The following ADGRL3 variants were observed in gnomAD, a reference collection of about 807,000 sequenced individuals.
The protein encoded by ADGRL3 is adhesion G protein-coupled receptor L3, also known as calcium-independent alpha-latrotoxin receptor 3.
Under a neutral mutation model 153.5 loss-of-function variants are expected in ADGRL3, and 62 were observed. The observed-to-expected ratio is 0.40, with a 90% confidence interval of 0.33 to 0.50. The LOEUF is 0.50. ADGRL3 is among the 20% of genes least tolerant of loss of function. ADGRL3 has a pLI of 0.47. For synonymous variants in ADGRL3, 710 were observed against 672.5 expected (o/e 1.06, Z -0.86); for missense variants, 1,641 against 1,859.4 (o/e 0.88, Z 2.16).
At chr4:62,037,600 C>T (rs1725786216) in intron 23 of ADGRL3, 131 bp from the exon 24 acceptor site, 3 of 990,902 alleles carry the variant, frequency 3.0e-6, no homozygotes, top group African/African-American at 1.6e-5. Flanking sequence ...ATATGCTGAA[C>T]AGACTTTCTT....
intron 9 of ADGRL3, among the ~76,000 whole-genome samples, chr4:61,882,215 A>G (rs1174795386): frequency 1.3e-5 from 2 of 152,202 alleles, no homozygotes; most frequent in African/African-American, 2.4e-5. Context: ...AATTTGTATA[A>G]GAAGGACAAA....
chr4:61,993,834 C>G (rs951444813), intron 19 of ADGRL3, among the ~76,000 whole-genome samples: 11 of 152,020 alleles, frequency 7.2e-5, no homozygotes, highest in African/African-American at 2.7e-4. Context: ...ACCTTGAATT[C>G]TCTGGTTTGT....
At chr4:61,358,649 CT>C (rs2096232888) in intron 1 of ADGRL3, among the ~76,000 whole-genome samples, 1 of 140,576 alleles carries the variant, frequency 7.1e-6, no homozygotes, top group Admixed American at 7.1e-5. Flanking sequence ...TCTTGAAAAA[CT>C]TTTCTCAACT....
Position 61,648,349 on chromosome 4 carries a change from C to CTTTTTTTTT in ADGRL3, c.474-28464_474-28456dup, listed in dbSNP as rs34166403. Among the ~76,000 whole-genome samples, 68 of 99,606 alleles carry CTTTTTTTTT rather than the reference C, an allele frequency of 6.8e-4. 1 individual carries two copies. The highest frequency in any genetic ancestry group is 1.0e-3 in the Non-Finnish European group (52 of 51,576). 65.3% of individuals were successfully genotyped at this position (99,606 alleles called of 152,430 possible). On this transcript the variant is annotated intron_variant, in intron 5 of 26. Coordinates refer to ENST00000683033, the MANE Select transcript of ADGRL3 (RefSeq NM_001387552.1). ...TTTAAGAGTTAGGAAATGAAATCGG[C>CTTTTTTTTT]TTTTTTTTTTTTTTTTTTTTTAATT...
intron 1 of ADGRL3, among the ~76,000 whole-genome samples, chr4:61,373,190 G>A (rs1222759863): frequency 1.3e-5 from 2 of 152,114 alleles, no homozygotes; most frequent in South Asian, 2.1e-4. Flanking sequence ...ACCCGTCTTC[G>A]TCGCTCAGGC....
At chr4:61,958,533 G>T (rs1322030455) in intron 17 of ADGRL3, among the ~76,000 whole-genome samples, 1 of 152,084 alleles carries the variant, frequency 6.6e-6, no homozygotes, top group Non-Finnish European at 1.5e-5. Flanking sequence ...AGATTTAATT[G>T]ACTCACAGTT....
In ADGRL3 at chr4:61,291,623, TATAA is replaced by T. The variant is rs1560434787; in HGVS notation, c.-240+89860_-240+89863del. 4.9e-4 allele frequency among the ~76,000 whole-genome samples: 21 copies of T among 42,804 alleles called. No homozygotes were observed. In the East Asian group the frequency reaches 7.7e-3, roughly 16 times the overall value. 28.1% of individuals were successfully genotyped at this position (42,804 alleles called of 152,430 possible). ...ATATATACACACACATATATATATATATAAAATATTTATTTATATATGCATGTAT... is the reference window on the plus strand; with the variant it reads ...ATATATACACACACATATATATATATAATATTTATTTATATATGCATGTAT... On this transcript the variant is annotated intron_variant, in intron 1 of 26. Coordinates refer to ENST00000683033, the MANE Select transcript of ADGRL3 (RefSeq NM_001387552.1).
At chr4:62,006,473 T>A (rs1279405843) in intron 21 of ADGRL3, among the ~76,000 whole-genome samples, 1 of 152,058 alleles carries the variant, frequency 6.6e-6, no homozygotes, top group Non-Finnish European at 1.5e-5. Flanking sequence ...GTTTTTGTTT[T>A]TGTTTTTTTG....
In ADGRL3 at chr4:61,257,712, AATAAG is replaced by A. The variant is rs976007889; in HGVS notation, c.-240+55951_-240+55955del. On this transcript the variant is annotated intron_variant, in intron 1 of 26. Transcript: ENST00000683033. ...GAGTAACAGTTGAAAGTAAAAATCA[AATAAG>A]ATATGATAATTAATGTTAATATGGT... Among the ~76,000 whole-genome samples, 26 of 152,324 alleles carry A rather than the reference AATAAG, an allele frequency of 1.7e-4. No individual in the cohort carries two copies. In the Middle Eastern group the frequency reaches 0.017, roughly 100 times the overall value.
chr4:61,310,530 C>T (rs2094958084), intron 1 of ADGRL3, among the ~76,000 whole-genome samples: 1 of 152,050 alleles, frequency 6.6e-6, no homozygotes, highest in Non-Finnish European at 1.5e-5. Context: ...ACAATTATAT[C>T]CTATGCTTTG....
At chr4:62,021,767 T>A (rs946248845) in intron 21 of ADGRL3, among the ~76,000 whole-genome samples, 1 of 152,154 alleles carries the variant, frequency 6.6e-6, no homozygotes, top group Non-Finnish European at 1.5e-5. Flanking sequence ...GTTGTAATTA[T>A]TTTAGGGCCC....
intron 11 of ADGRL3, among the ~76,000 whole-genome samples, chr4:61,896,665 C>T (rs994579553): frequency 1.3e-5 from 2 of 152,112 alleles, no homozygotes; most frequent in African/African-American, 2.4e-5. Context: ...AGCAGATGAG[C>T]CATAACTATC....
intron 1 of ADGRL3, among the ~76,000 whole-genome samples, chr4:61,282,593 T>C (rs1578109339): frequency 6.6e-6 from 1 of 152,062 alleles, no homozygotes; most frequent in East Asian, 1.9e-4. Flanking sequence ...TTTTTAGTCA[T>C]TTTTTTGGAT....
intron 5 of ADGRL3, among the ~76,000 whole-genome samples, chr4:61,620,584 T>G (rs904442406): frequency 1.3e-5 from 2 of 151,968 alleles, no homozygotes; most frequent in African/African-American, 4.8e-5. Context: ...GACAAACAAT[T>G]TAGCTGGCTT....
intron 1 of ADGRL3, among the ~76,000 whole-genome samples, chr4:61,266,904 T>G (rs1315977579): frequency 2.0e-5 from 3 of 151,718 alleles, no homozygotes; most frequent in Non-Finnish European, 4.4e-5. Context: ...CATAATTTCA[T>G]TAATGGAAAT....
chr4:61,915,414 G>A (rs1323277792), intron 13 of ADGRL3, among the ~76,000 whole-genome samples: 1 of 151,690 alleles, frequency 6.6e-6, no homozygotes, highest in Admixed American at 6.6e-5. Flanking sequence ...TCATTTCTGA[G>A]CTGAGCAATG....
chr4:61,515,022 TC>T (rs1344435576), intron 3 of ADGRL3, among the ~76,000 whole-genome samples: 6 of 152,144 alleles, frequency 3.9e-5, no homozygotes, highest in African/African-American at 1.4e-4. Context: ...AGATCCCTAT[TC>T]CCACGTCCCT....
At chr4:61,288,385 C>T (rs1367082708) in intron 1 of ADGRL3, among the ~76,000 whole-genome samples, 4 of 151,794 alleles carry the variant, frequency 2.6e-5, no homozygotes, top group Admixed American at 6.6e-5. Context: ...CATCAAGGAC[C>T]GACTCTCTTT....
At chr4:61,761,665 C>T (rs1304689290) in intron 8 of ADGRL3, among the ~76,000 whole-genome samples, 1 of 152,188 alleles carries the variant, frequency 6.6e-6, no homozygotes, top group Non-Finnish European at 1.5e-5. Flanking sequence ...CATGGTGGCA[C>T]ACACTTGTAG....
Sources: gnomAD v4.1 joint callset for allele counts (sites outside exome capture counted in the v4.1 genomes callset) on GRCh38, gnomAD v4.1.1 for gene constraint, MANE v1.5 for transcripts, NCBI Gene and HGNC (gene_info 2026-07-23, HGNC 2026-07-21) for gene names.